Variants in CORO2B observed in about 807,000 individuals in gnomAD.
CORO2B encodes coronin-2B.
A neutral mutation model predicts 58.8 loss-of-function variants in CORO2B; 26 were observed. That is an observed-to-expected ratio of 0.44 (90% CI 0.32 to 0.61). CORO2B has a LOEUF of 0.61. CORO2B is among the 20% of genes least tolerant of loss of function. The pLI is 0.04. For missense variants in CORO2B, 460 were observed against 645.1 expected, an observed-to-expected ratio of 0.71 and a Z score of 3.11; for synonymous variants, 242 against 253.8, an observed-to-expected ratio of 0.95 and a Z score of 0.44.
rs1218606479 is a variant in CORO2B at position 68,695,137 on chromosome 15, C to A, written c.217-3C>A. 6 of 1,610,554 alleles carry A rather than the reference C, an allele frequency of 3.7e-6. No homozygotes were observed. The highest frequency in any genetic ancestry group is 2.2e-5 in the South Asian group (2 of 91,008). On this transcript the variant is annotated splice_polypyrimidine_tract_variant and splice_region_variant and intron_variant, in intron 2 of 11. Coordinates refer to ENST00000261861, the MANE Select transcript of CORO2B (RefSeq NM_006091.5). The stretch of plus-strand genomic sequence containing the variant: ...TCTCTCTCTCTCTCTTTCTCCTCTG[C>A]AGACAGGCAGGATTGAACCCAACTA...
chr15:68,724,820 G>T (rs1893253405), intron 11 of CORO2B, among the ~76,000 whole-genome samples: 1 of 152,158 alleles, frequency 6.6e-6, no homozygotes. Context: ...GGAGCCTCAA[G>T]GAGCCTGCTG....
At chr15:68,560,711 G>A in the CORO2B span, among the ~76,000 whole-genome samples, 1 of 152,126 alleles carries the variant, frequency 6.6e-6, no homozygotes, top group Non-Finnish European at 1.5e-5. Flanking sequence ...CTCCTTGCTG[G>A]TCAGGGCCGC....
chr15:68,553,673 T>A, the CORO2B span, among the ~76,000 whole-genome samples: 1 of 151,846 alleles, frequency 6.6e-6, no homozygotes, highest in East Asian at 1.9e-4. Flanking sequence ...TCTAGAAGAG[T>A]TTTAAAGAAC....
At chr15:68,687,549 A>G (rs945164987) in intron 2 of CORO2B, among the ~76,000 whole-genome samples, 2 of 152,230 alleles carry the variant, frequency 1.3e-5, no homozygotes, top group Non-Finnish European at 2.9e-5. Flanking sequence ...GGGCCCGGCC[A>G]TGGCTGCCTG....
At chr15:68,535,245 C>G in the CORO2B span, among the ~76,000 whole-genome samples, 3 of 152,190 alleles carry the variant, frequency 2.0e-5, no homozygotes, top group Non-Finnish European at 2.9e-5. Context: ...TAAAAGAAAC[C>G]CTTATCCTAT....
At chr15:68,615,211 GTCTC>G (rs984549821) in intron 1 of CORO2B, among the ~76,000 whole-genome samples, 2 of 152,174 alleles carry the variant, frequency 1.3e-5, no homozygotes, top group African/African-American at 4.8e-5. Context: ...CATTAACTGG[GTCTC>G]TCTGACTAAC....
At chr15:68,559,446 C>G in the CORO2B span, among the ~76,000 whole-genome samples, 1 of 151,530 alleles carries the variant, frequency 6.6e-6, no homozygotes, top group African/African-American at 2.4e-5. This position sits in a 1 kb window ranked among gnomAD's most constrained non-coding sequence, Gnocchi z 4.3. Flanking sequence ...GTTTGGAGCA[C>G]TCATACAAGC....
chr15:68,678,116 C>T (rs1902648257), intron 2 of CORO2B, among the ~76,000 whole-genome samples: 2 of 152,216 alleles, frequency 1.3e-5, no homozygotes, highest in Non-Finnish European at 2.9e-5. Context: ...ACTTTCCCCC[C>T]AGATGACTTG....
chr15:68,719,687 T>A, intron 11 of CORO2B, 135 bp downstream of exon 11: 1 of 1,005,492 alleles, frequency 9.9e-7, no homozygotes, highest in Non-Finnish European at 1.4e-6. Context: ...ATAAGTAGCC[T>A]GATATTGGCT....
chr15:68,531,032 A>G, the CORO2B span, among the ~76,000 whole-genome samples: 1 of 152,268 alleles, frequency 6.6e-6, no homozygotes, highest in East Asian at 1.9e-4. Context: ...TCTGTGGCTT[A>G]CAATATATAT....
In CORO2B at chr15:68,726,243, T is replaced by A; in HGVS notation, c.*269T>A. 2.3e-6 allele frequency: 1 copy of A among 426,204 alleles called. No individual in the cohort carries two copies. The highest frequency in any genetic ancestry group is 4.2e-6 in the Non-Finnish European group (1 of 237,982). The allele number at this position is 426,204 out of a possible 1,614,324, so 26.4% of individuals were successfully genotyped here. A position where few individuals can be genotyped will look rare whatever the true frequency, so the allele number is the denominator to read the frequency against. On this transcript the variant is annotated 3_prime_UTR_variant, in exon 12 of 12. Transcript: ENST00000261861. ...GGCTTCCCCTCAGCTGGGTGAAGAC[T>A]ACAGACTCCCTGGGGTTGGCAGGGG... is the stretch of plus-strand genomic sequence containing the variant.
chr15:68,690,931 T>G (rs1892344064), intron 2 of CORO2B, among the ~76,000 whole-genome samples: 1 of 150,706 alleles, frequency 6.6e-6, no homozygotes, highest in Admixed American at 6.6e-5. Flanking sequence ...CCAAGTGGGA[T>G]TACAGGTGTG....
chr15:68,645,073 C>G lies in CORO2B; in HGVS notation c.16-87C>G. 7.2e-7 allele frequency: 1 copy of G among 1,384,414 alleles called. No homozygotes were observed. Among genetic ancestry groups the G allele is most frequent in the Non-Finnish European group, 9.9e-7 (1 of 1,006,204 alleles). The allele number at this position is 1,384,414 out of a possible 1,614,324, so 85.8% of individuals were successfully genotyped here. A position where few individuals can be genotyped will look rare whatever the true frequency, so the allele number is the denominator to read the frequency against. On this transcript the variant is annotated intron_variant, in intron 1 of 11. Transcript: ENST00000261861. The surrounding 1 kb of genome is among the most constrained non-coding windows in gnomAD (Gnocchi z 4.5). ...CCTGCTCACCTGCTGCACCTCTGAG[C>G]CGCAGCTTCCCTCCCCCAAGAGCCC...
At chr15:68,536,725 A>G in the CORO2B span, among the ~76,000 whole-genome samples, 1 of 152,256 alleles carries the variant, frequency 6.6e-6, no homozygotes, top group Non-Finnish European at 1.5e-5. Flanking sequence ...AAACTGAAAT[A>G]AAAAGTCAAT....
At chr15:68,640,039 C>G (rs942981855) in intron 1 of CORO2B, among the ~76,000 whole-genome samples, 1 of 152,220 alleles carries the variant, frequency 6.6e-6, no homozygotes, top group African/African-American at 2.4e-5. Context: ...GGCCTCCTCT[C>G]TCTGGCAGAG....
chr15:68,725,837 C>T lies in CORO2B; in HGVS notation c.1312-6C>T, dbSNP rs756867515. The T allele has an allele frequency of 2.5e-6, 4 of 1,613,414 alleles. No individual in the cohort carries two copies. Among genetic ancestry groups the T allele is most frequent in the Non-Finnish European group, 3.4e-6 (4 of 1,180,022 alleles). On this transcript the variant is annotated splice_polypyrimidine_tract_variant and splice_region_variant and intron_variant, in intron 11 of 11. Transcript: ENST00000261861. ...CTCCTTGGCCCCCTCTCTTCCTCCA[C>T]CCCAGCTCCTTCGAATGTTCTTCCG...
intron 1 of CORO2B, among the ~76,000 whole-genome samples, chr15:68,633,737 G>A (rs1055592099): frequency 7.2e-5 from 11 of 152,180 alleles, no homozygotes; most frequent in African/African-American, 2.7e-4. Flanking sequence ...CTGAGAGATG[G>A]GCTTCCTTTT....
intron 3 of CORO2B, among the ~76,000 whole-genome samples, chr15:68,703,487 C>T (rs941965522): frequency 3.3e-5 from 5 of 152,262 alleles, no homozygotes; most frequent in South Asian, 4.1e-4. Flanking sequence ...TTCTTCCCCA[C>T]GCTACCCCAA....
rs766452912 is a variant in CORO2B at position 68,713,992 on chromosome 15, C to T, written c.716C>T (p.Thr239Met). 9 of 1,614,068 alleles carry T rather than the reference C, an allele frequency of 5.6e-6. No individual in the cohort carries two copies. The highest frequency in any genetic ancestry group is 2.2e-5 in the East Asian group (1 of 44,876). The part of the protein sequence containing the change: ...VFLGNMKRLL[T>M]TGVSRWNTRQ... ...CTGGGGAACATGAAGCGGCTCCTCA[C>T]GACAGGGGTCTCCAGGTGGAACACA... is the stretch of plus-strand genomic sequence containing the variant. The change falls in exon 6 of 12, where the codon ACG becomes ATG. Residue 239 changes from threonine to methionine, a missense_variant. Coordinates refer to ENST00000261861, the MANE Select transcript of CORO2B (RefSeq NM_006091.5).
Sources: gnomAD v4.1 joint callset for allele counts (sites outside exome capture counted in the v4.1 genomes callset) on GRCh38, gnomAD v4.1.1 for gene constraint, Gnocchi (gnomAD v3.1) non-coding constraint, MANE v1.5 for transcripts, NCBI Gene and HGNC (gene_info 2026-07-23, HGNC 2026-07-21) for gene names.